Variants in CNTN5 observed in about 807,000 individuals in gnomAD.
CNTN5 encodes the protein contactin-5.
A neutral mutation model predicts 129.1 loss-of-function variants in CNTN5; 77 were observed. The ratio of observed to expected loss-of-function variants is 0.60; its 90% CI spans 0.50 to 0.72. The LOEUF (loss-of-function observed/expected upper bound fraction) is 0.72, where lower values mean the gene tolerates loss of function less well. Among genes scored for constraint, CNTN5 ranks in the 30% least tolerant of loss-of-function variants. The pLI is 0.00. For missense variants in CNTN5, 1,478 were observed against 1,328.8 expected, an observed-to-expected ratio of 1.11 and a Z score of -1.75; for synonymous variants, 509 against 465.6, an observed-to-expected ratio of 1.09 and a Z score of -1.20.
chr11:100,225,621 A>G (rs905505622), intron 16 of CNTN5, among the ~76,000 whole-genome samples: 13 of 152,116 alleles, frequency 8.5e-5, no homozygotes, highest in African/African-American at 2.7e-4. Context: ...CAATGACAAA[A>G]TAAACACACC....
At position 100,053,071 on chromosome 11, in the gene CNTN5, C is replaced by A. The variant is rs187599765; in HGVS notation, c.981-8141C>A. 1.1e-4 allele frequency among the ~76,000 whole-genome samples: 16 copies of A among 151,714 alleles called. No individual in the cohort carries two copies. In the East Asian group the frequency reaches 2.9e-3, roughly 28 times the overall value. The stretch of plus-strand genomic sequence containing the variant: ...AAATAAACTTAAATTGGATCATAGC[C>A]CTAAATGTAAATCTCTGTATTCTGT... On this transcript the variant is annotated intron_variant, in intron 9 of 24. Coordinates refer to ENST00000524871, the MANE Select transcript of CNTN5 (RefSeq NM_014361.4).
At chr11:100,265,196 C>G (rs1001464348) in intron 17 of CNTN5, among the ~76,000 whole-genome samples, 1 of 152,072 alleles carries the variant, frequency 6.6e-6, no homozygotes, top group Non-Finnish European at 1.5e-5. Context: ...TGCAAGTGAT[C>G]AATTGTATTT....
At chr11:99,687,784 G>GA (rs1482521332) in intron 3 of CNTN5, among the ~76,000 whole-genome samples, 7 of 152,236 alleles carry the variant, frequency 4.6e-5, no homozygotes, top group African/African-American at 1.7e-4. Context: ...CAAAAGTCTT[G>GA]GTAATATGTC....
intron 3 of CNTN5, among the ~76,000 whole-genome samples, chr11:99,792,047 T>C (rs769395551): frequency 2.0e-5 from 3 of 152,124 alleles, no homozygotes; most frequent in Non-Finnish European, 4.4e-5. Context: ...TCAGTGAAGA[T>C]AGCTAGTTTT....
At chr11:100,320,829 T>C (rs1257741974) in intron 21 of CNTN5, among the ~76,000 whole-genome samples, 3 of 152,176 alleles carry the variant, frequency 2.0e-5, no homozygotes, top group Non-Finnish European at 2.9e-5. Context: ...TTCCCCATTG[T>C]GTGTTCTTGG....
intron 13 of CNTN5, among the ~76,000 whole-genome samples, chr11:100,127,580 T>C (rs1407182123): frequency 6.6e-6 from 1 of 151,598 alleles, no homozygotes; most frequent in African/African-American, 2.4e-5. Flanking sequence ...AAATCCTACC[T>C]GGAGTCAAGG....
intron 9 of CNTN5, among the ~76,000 whole-genome samples, chr11:100,045,615 C>A (rs958675523): frequency 4.0e-5 from 6 of 151,400 alleles, no homozygotes; most frequent in Middle Eastern, 3.2e-3. Context: ...AAATATAAGG[C>A]TGACAAAAAG....
intron 3 of CNTN5, among the ~76,000 whole-genome samples, chr11:99,630,064 G>C (rs1951282495): frequency 6.6e-6 from 1 of 151,536 alleles, no homozygotes; most frequent in Non-Finnish European, 1.5e-5. Flanking sequence ...TCCCATGCTA[G>C]ACTGAAAAAA....
chr11:99,747,904 T>A (rs369733631), intron 3 of CNTN5, among the ~76,000 whole-genome samples: 13 of 152,202 alleles, frequency 8.5e-5, no homozygotes, highest in Non-Finnish European at 1.8e-4. Flanking sequence ...TCTAATTGTT[T>A]GAGAGTTGTT....
intron 1 of CNTN5, among the ~76,000 whole-genome samples, chr11:99,076,343 C>A (rs12789622): frequency 0.2 from 30,655 of 151,632 alleles, 3,598 homozygotes; most frequent in South Asian, 0.28. Flanking sequence ...CAAAACAAAA[C>A]AAAAACAAAC....
intron 7 of CNTN5, among the ~76,000 whole-genome samples, chr11:99,937,946 G>A (rs1306488324): frequency 6.6e-6 from 1 of 152,122 alleles, no homozygotes; most frequent in East Asian, 1.9e-4. Context: ...CTTTTACTGT[G>A]TTTAACAAAA....
chr11:99,236,506 A>AGG (rs1861277606), intron 1 of CNTN5, among the ~76,000 whole-genome samples: 1 of 151,806 alleles, frequency 6.6e-6, no homozygotes, highest in African/African-American at 2.4e-5. Flanking sequence ...ACAGAGAGAG[A>AGG]GAGAGTCTGA....
chr11:99,280,344 T>G (rs1017274020), intron 1 of CNTN5, among the ~76,000 whole-genome samples: 2 of 151,860 alleles, frequency 1.3e-5, no homozygotes, highest in African/African-American at 4.8e-5. Flanking sequence ...TTTTTCTATC[T>G]AAATTAGAAT....
At chr11:99,827,347 C>T (rs142112179) in intron 4 of CNTN5, among the ~76,000 whole-genome samples, 146 of 152,310 alleles carry the variant, frequency 9.6e-4, no homozygotes, top group African/African-American at 3.5e-3. Context: ...CCTTGACCTC[C>T]CAAAGTGCTG....
chr11:99,276,142 T>G (rs1863416424), intron 1 of CNTN5, among the ~76,000 whole-genome samples: 1 of 151,694 alleles, frequency 6.6e-6, no homozygotes, highest in Non-Finnish European at 1.5e-5. Flanking sequence ...TCATTGGGTG[T>G]GCTGTCTCTT....
At chr11:100,049,303 A>C (rs1012066097) in intron 9 of CNTN5, among the ~76,000 whole-genome samples, 6 of 152,104 alleles carry the variant, frequency 3.9e-5, no homozygotes, top group African/African-American at 1.4e-4. Flanking sequence ...TAGGAAGGAG[A>C]ACCGGTAAGC....
rs906850353 is a variant in CNTN5, at chr11:99,731,827, C to G, written c.56-87717C>G. Among the ~76,000 whole-genome samples, 4 of 152,178 alleles carry G rather than the reference C, an allele frequency of 2.6e-5. No individual in the cohort carries two copies. The East Asian group carries it at 5.8e-4, about 22-fold the overall frequency. ...TTAAGGGCTAGACTGCAAATTGGCA[C>G]CACATCACTTCTCCCACATTCTGTT... On this transcript the variant is annotated intron_variant, in intron 3 of 24. Coordinates refer to ENST00000524871, the MANE Select transcript of CNTN5 (RefSeq NM_014361.4).
At chr11:99,173,885 G>T (rs1857645884) in intron 1 of CNTN5, among the ~76,000 whole-genome samples, 1 of 152,162 alleles carries the variant, frequency 6.6e-6, no homozygotes, top group South Asian at 2.1e-4. Flanking sequence ...CCTAAGCAAG[G>T]ATGGTGGCTC....
intron 13 of CNTN5, among the ~76,000 whole-genome samples, chr11:100,141,047 G>A (rs904736401): frequency 6.6e-6 from 1 of 152,076 alleles, no homozygotes; most frequent in Non-Finnish European, 1.5e-5. Context: ...GTTTCCATTG[G>A]AACAAAATGG....
Sources: gnomAD v4.1 joint callset for allele counts (sites outside exome capture counted in the v4.1 genomes callset) on GRCh38, gnomAD v4.1.1 for gene constraint, MANE v1.5 for transcripts, NCBI Gene and HGNC (gene_info 2026-07-23, HGNC 2026-07-21) for gene names.